PDSS2: variants seen among roughly 807,000 people sequenced by gnomAD.
PDSS2 encodes the protein decaprenyl diphosphate synthase subunit 2, also known as all trans-polyprenyl-diphosphate synthase PDSS2.
In PDSS2, 31 loss-of-function variants were observed where a neutral mutation model predicts 44.5. The observed-to-expected ratio is 0.70, with a 90% CI of 0.52 to 0.94. PDSS2 has a LOEUF of 0.94. Ranked by LOEUF, PDSS2 falls within the 40% of genes least tolerant of loss-of-function variation. The pLI, the probability that PDSS2 is intolerant of heterozygous loss-of-function variation, is 0.00. For missense variants in PDSS2, 452 were observed against 482.2 expected (o/e 0.94, Z 0.59); for synonymous variants, 157 against 180.3 (o/e 0.87, Z 1.03).
At position 107,334,422 on chromosome 6, in the gene PDSS2, C is replaced by A. The variant is rs776288157; in HGVS notation, c.297-90G>T. On this transcript the variant is annotated intron_variant, in intron 1 of 7. Coordinates refer to ENST00000369037, the MANE Select transcript of PDSS2 (RefSeq NM_020381.4). ...AACTGCTACAAAGATGCCCACACTT[C>A]TAAAACTGGACAATGAGACTTACTG... 35 of 1,171,678 alleles carry A rather than the reference C, an allele frequency of 3.0e-5. No homozygotes were observed. In the Admixed American group the frequency reaches 4.3e-4, roughly 14 times the overall value. 72.6% of individuals were successfully genotyped at this position (1,171,678 alleles called of 1,614,324 possible).
chr6:107,435,983 T>C (rs1781339124), intron 1 of PDSS2, among the ~76,000 whole-genome samples: 1 of 152,010 alleles, frequency 6.6e-6, no homozygotes, highest in South Asian at 2.1e-4. Flanking sequence ...GAGCCTTTGG[T>C]GAGTCACAGG....
chr6:107,286,136 T>TAAACAAAAAA (rs568159749), intron 2 of PDSS2, among the ~76,000 whole-genome samples: 2 of 128,744 alleles, frequency 1.6e-5, no homozygotes, highest in Admixed American at 8.0e-5. Context: ...CGTCGCAAAA[T>TAAACAAAAAA]AAAAAAAAAA....
At chr6:107,314,714 G>A (rs908261770) in intron 2 of PDSS2, among the ~76,000 whole-genome samples, 2 of 152,132 alleles carry the variant, frequency 1.3e-5, no homozygotes, top group Non-Finnish European at 2.9e-5. Context: ...AAATTAGTAC[G>A]CAAGGTTAAA....
At chr6:107,163,602 T>G (rs76746262) in intron 7 of PDSS2, among the ~76,000 whole-genome samples, 1 of 148,832 alleles carries the variant, frequency 6.7e-6, no homozygotes, top group African/African-American at 2.5e-5. Context: ...ATCTTGTTCT[T>G]TTTTTTTTTT....
At chr6:107,225,589 G>A (rs1334659227) in intron 4 of PDSS2, among the ~76,000 whole-genome samples, 3 of 152,012 alleles carry the variant, frequency 2.0e-5, no homozygotes, top group Admixed American at 2.0e-4. Flanking sequence ...GGCTAATTGG[G>A]GGTGATCTTG....
chr6:107,354,419 T>C (rs1231686507), intron 1 of PDSS2, among the ~76,000 whole-genome samples: 1 of 152,226 alleles, frequency 6.6e-6, no homozygotes, highest in African/African-American at 2.4e-5. Context: ...AATTGCTGTT[T>C]AAAAATCAGA....
Position 107,342,523 on chromosome 6 carries a change from CTATT to C in PDSS2, c.297-8195_297-8192del, listed in dbSNP as rs542330463. 2.4e-3 allele frequency among the ~76,000 whole-genome samples: 361 copies of C among 152,210 alleles called. 1 individual carries two copies. The highest frequency in any genetic ancestry group is 8.4e-3 in the African/African-American group (347 of 41,544). Reference sequence around the variant, plus strand: ...TAAAATGTATGCCGTATCAAAGGGTCTATTTAAGTTTTAGAGAAAACTCAACATA... The same window carrying C: ...TAAAATGTATGCCGTATCAAAGGGTCTAAGTTTTAGAGAAAACTCAACATA... On this transcript the variant is annotated intron_variant, in intron 1 of 7. Transcript: ENST00000369037.
chr6:107,187,475 A>C (rs1772209464), intron 7 of PDSS2, among the ~76,000 whole-genome samples: 1 of 151,740 alleles, frequency 6.6e-6, no homozygotes, highest in Non-Finnish European at 1.5e-5. Flanking sequence ...GACCAGCCTG[A>C]CCAACATGGA....
chr6:107,367,870 G>A, intron 1 of PDSS2, among the ~76,000 whole-genome samples: 1 of 151,630 alleles, frequency 6.6e-6, no homozygotes, highest in Non-Finnish European at 1.5e-5. Flanking sequence ...TGTATTTGAG[G>A]GTGATCATCT....
chr6:107,433,370 C>G (rs1420456040), intron 1 of PDSS2, among the ~76,000 whole-genome samples: 1 of 151,986 alleles, frequency 6.6e-6, no homozygotes, highest in African/African-American at 2.4e-5. Context: ...TCAAATTATA[C>G]TACAGAGTTA....
intron 1 of PDSS2, among the ~76,000 whole-genome samples, chr6:107,402,599 A>G (rs1780181240): frequency 1.4e-5 from 2 of 147,532 alleles, no homozygotes; most frequent in South Asian, 2.2e-4. Flanking sequence ...ATGGATTCAC[A>G]GTTCCACATG....
chr6:107,249,751 G>T (rs375752942), intron 3 of PDSS2, among the ~76,000 whole-genome samples: 1 of 152,094 alleles, frequency 6.6e-6, no homozygotes. Context: ...CCTTGTTTTG[G>T]CTGCTGGGGA....
At chr6:107,438,357 C>T (rs907821297) in intron 1 of PDSS2, among the ~76,000 whole-genome samples, 1 of 152,070 alleles carries the variant, frequency 6.6e-6, no homozygotes, top group South Asian at 2.1e-4. Context: ...TACAAGCATG[C>T]ACCACCACAC....
In PDSS2 at chr6:107,209,911, C is replaced by G. The variant is rs531934881; in HGVS notation, c.1008+528G>C. Among the ~76,000 whole-genome samples the G allele has an allele frequency of 1.4e-4, 21 of 152,304 alleles. No individual in the cohort carries two copies. The South Asian group carries it at 2.3e-3, about 17-fold the overall frequency. ...GAAAACCAAAAAAGTTCCCTCTCAT[C>G]TGCCAAAATGAGAAATTCACCCAAT... On this transcript the variant is annotated intron_variant, in intron 6 of 7. Transcript: ENST00000369037.
intron 1 of PDSS2, among the ~76,000 whole-genome samples, chr6:107,402,150 G>A (rs1404674634): frequency 6.6e-6 from 1 of 151,630 alleles, no homozygotes; most frequent in Non-Finnish European, 1.5e-5. Flanking sequence ...TGTGGTGGTG[G>A]GTGCCCATAA....
At chr6:107,304,723 A>G (rs1188280947) in intron 2 of PDSS2, among the ~76,000 whole-genome samples, 1 of 152,258 alleles carries the variant, frequency 6.6e-6, no homozygotes, top group African/African-American at 2.4e-5. Flanking sequence ...ATTTTAAACC[A>G]ACTCATCTTT....
intron 1 of PDSS2, among the ~76,000 whole-genome samples, chr6:107,355,212 C>G (rs1016588170): frequency 1.3e-5 from 2 of 152,174 alleles, no homozygotes; most frequent in African/African-American, 4.8e-5. Flanking sequence ...AGCCATCACG[C>G]CCGGCCCTTT....
At chr6:107,209,795 C>T (rs1297985437) in intron 6 of PDSS2, among the ~76,000 whole-genome samples, 4 of 151,994 alleles carry the variant, frequency 2.6e-5, no homozygotes. Context: ...CTCAGATTAA[C>T]CCAACCAATT....
chr6:107,157,828 G>A (rs577764864), intron 7 of PDSS2, among the ~76,000 whole-genome samples: 197 of 151,850 alleles, frequency 1.3e-3, no homozygotes, highest in Non-Finnish European at 2.5e-3. Context: ...CCGCCACCAC[G>A]CCTGGCTAAT....
Sources: gnomAD v4.1 joint callset for allele counts (sites outside exome capture counted in the v4.1 genomes callset) on GRCh38, gnomAD v4.1.1 for gene constraint, MANE v1.5 for transcripts, NCBI Gene and HGNC (gene_info 2026-07-23, HGNC 2026-07-21) for gene names.